CALN1: variants seen among roughly 807,000 people sequenced by gnomAD.
The protein encoded by CALN1 is calneuron 1.
CALN1 carries 17 observed loss-of-function variants against 30.6 expected under a neutral mutation model. The ratio of observed to expected loss-of-function variants is 0.56; its 90% CI spans 0.38 to 0.83. The LOEUF (loss-of-function observed/expected upper bound fraction) is 0.83, where lower values mean the gene tolerates loss of function less well. Ranked by LOEUF, CALN1 falls within the 40% of genes least tolerant of loss-of-function variation. The pLI, the probability that CALN1 is intolerant of heterozygous loss-of-function variation, is 0.00. For synonymous variants in CALN1, 156 were observed against 131.4 expected (o/e 1.19, Z -1.28); for missense variants, 291 against 354.9 (o/e 0.82, Z 1.45).
chr7:71,948,667 A>G (rs6957817), intron 5 of CALN1, among the ~76,000 whole-genome samples: 144,427 of 150,190 alleles, frequency 0.96, 69,493 homozygotes, highest in East Asian at 1. Flanking sequence ...GGAGGTAGAG[A>G]TTGCAGTGAG....
At chr7:72,121,791 AAT>A (rs1256454458) in intron 3 of CALN1, among the ~76,000 whole-genome samples, 15 of 144,316 alleles carry the variant, frequency 1.0e-4, no homozygotes, top group South Asian at 2.3e-4. Context: ...AGCATATTAT[AAT>A]ATGTGTTTTG....
chr7:71,871,575 C>G (rs1475238883), intron 5 of CALN1, among the ~76,000 whole-genome samples: 1 of 152,052 alleles, frequency 6.6e-6, no homozygotes, highest in Non-Finnish European at 1.5e-5. Flanking sequence ...CGAGTAAGAC[C>G]CCATCTCTAC....
intron 2 of CALN1, among the ~76,000 whole-genome samples, chr7:72,397,542 G>C (rs75532417): frequency 2.0e-5 from 3 of 152,156 alleles, no homozygotes; most frequent in African/African-American, 7.2e-5. Context: ...GTGACTAGAA[G>C]AAAAGCAGGT....
intron 5 of CALN1, among the ~76,000 whole-genome samples, chr7:71,865,175 C>T (rs532170173): frequency 2.0e-5 from 3 of 152,226 alleles, no homozygotes; most frequent in South Asian, 2.1e-4. Flanking sequence ...TCCCCAGTGT[C>T]GGAGGTGGGG....
intron 5 of CALN1, among the ~76,000 whole-genome samples, chr7:71,846,163 C>T (rs111601260): frequency 6.6e-6 from 1 of 152,136 alleles, no homozygotes; most frequent in South Asian, 2.1e-4. Context: ...TGACTGACTG[C>T]AGCATTTAGG....
chr7:72,176,962 G>A (rs1789400461), intron 3 of CALN1, among the ~76,000 whole-genome samples: 1 of 152,100 alleles, frequency 6.6e-6, no homozygotes, highest in South Asian at 2.1e-4. Flanking sequence ...TCTGAAGTTA[G>A]CACAAACAGT....
intron 3 of CALN1, among the ~76,000 whole-genome samples, chr7:72,196,775 A>G (rs1220352199): frequency 1.3e-5 from 2 of 152,120 alleles, no homozygotes; most frequent in Non-Finnish European, 2.9e-5. Context: ...TACCTATGTA[A>G]TTATTTCATC....
At chr7:72,226,760 A>T (rs1013013908) in intron 3 of CALN1, among the ~76,000 whole-genome samples, 1 of 152,170 alleles carries the variant, frequency 6.6e-6, no homozygotes, top group African/African-American at 2.4e-5. Flanking sequence ...GGGAACCATA[A>T]GTCTGGCCAC....
intron 3 of CALN1, among the ~76,000 whole-genome samples, chr7:72,154,229 A>T (rs1316303571): frequency 8.8e-5 from 7 of 79,936 alleles, no homozygotes; most frequent in Non-Finnish European, 1.5e-4. Flanking sequence ...AAGTAAAATT[A>T]AAAAAAAAAA....
chr7:72,274,764 T>C (rs1237085385), intron 3 of CALN1, among the ~76,000 whole-genome samples: 1 of 152,100 alleles, frequency 6.6e-6, no homozygotes, highest in African/African-American at 2.4e-5. Flanking sequence ...CTAGTAAATA[T>C]CCGTTTAATG....
chr7:72,457,810 C>T, the CALN1 span, among the ~76,000 whole-genome samples: 3 of 149,660 alleles, frequency 2.0e-5, no homozygotes, highest in African/African-American at 7.4e-5. Flanking sequence ...GGCTGCAGTG[C>T]AGAGGTGCAA....
At chr7:72,381,916 G>A (rs1298181753) in intron 2 of CALN1, among the ~76,000 whole-genome samples, 3 of 152,136 alleles carry the variant, frequency 2.0e-5, no homozygotes, top group African/African-American at 4.8e-5. Context: ...CCATAGAAGA[G>A]AGGATATCAT....
rs561865270 is a variant in CALN1, at chr7:72,232,569, TC to T, written c.244+46116del. On this transcript the variant is annotated intron_variant, in intron 3 of 6. Coordinates refer to ENST00000395275, the MANE Select transcript of CALN1 (RefSeq NM_031468.4). The stretch of plus-strand genomic sequence containing the variant: ...TCCGCTTCCCAGGTACAAGCGATTC[TC>T]CTGCCTCAGCCTCCCAAACAGCTGG... Among the ~76,000 whole-genome samples, 12 of 152,242 alleles carry T rather than the reference TC, an allele frequency of 7.9e-5. No individual in the cohort carries two copies. The South Asian group carries it at 2.5e-3, about 32-fold the overall frequency.
At chr7:71,791,356 T>C (rs547908282) in intron 6 of CALN1, among the ~76,000 whole-genome samples, 24 of 152,348 alleles carry the variant, frequency 1.6e-4, no homozygotes, top group Admixed American at 1.4e-3. Flanking sequence ...GTTCTGTTTC[T>C]AGCTCTTCGA....
chr7:71,848,741 T>G (rs887779625), intron 5 of CALN1, among the ~76,000 whole-genome samples: 3 of 152,002 alleles, frequency 2.0e-5, no homozygotes, highest in Non-Finnish European at 4.4e-5. Flanking sequence ...TTTAATAATA[T>G]TAAAACATAA....
At chr7:72,493,355 T>G in the CALN1 span, among the ~76,000 whole-genome samples, 1 of 152,092 alleles carries the variant, frequency 6.6e-6, no homozygotes, top group South Asian at 2.1e-4. Context: ...TTTTTTTCCT[T>G]TGAGACAAAG....
intron 2 of CALN1, among the ~76,000 whole-genome samples, chr7:72,296,164 T>C (rs1270287587): frequency 6.6e-6 from 1 of 151,822 alleles, no homozygotes; most frequent in Non-Finnish European, 1.5e-5. Context: ...CTGGATTACA[T>C]TTACTGATTT....
At chr7:72,373,612 A>G (rs1439722529) in intron 2 of CALN1, among the ~76,000 whole-genome samples, 3 of 152,208 alleles carry the variant, frequency 2.0e-5, no homozygotes, top group Admixed American at 6.5e-5. Flanking sequence ...TTCTGAAGAT[A>G]TTTTAGGTAA....
At chr7:72,475,784 C>T in the CALN1 span, among the ~76,000 whole-genome samples, 5 of 152,020 alleles carry the variant, frequency 3.3e-5, no homozygotes, top group African/African-American at 1.2e-4. Context: ...TCCCATAATT[C>T]CCATGTGTCA....
Sources: gnomAD v4.1 joint callset for allele counts (sites outside exome capture counted in the v4.1 genomes callset) on GRCh38, gnomAD v4.1.1 for gene constraint, MANE v1.5 for transcripts, NCBI Gene and HGNC (gene_info 2026-07-23, HGNC 2026-07-21) for gene names.